The following DDX51 variants were observed in gnomAD, a reference collection of about 807,000 sequenced individuals.
DDX51 encodes DEAD-box helicase 51, also known as ATP-dependent RNA helicase DDX51.
Under a neutral mutation model 74.6 loss-of-function variants are expected in DDX51, and 67 were observed. That is an observed-to-expected ratio of 0.90 (90% CI 0.74 to 1.10). The LOEUF (loss-of-function observed/expected upper bound fraction) is 1.10, where lower values mean the gene tolerates loss of function less well. Among genes scored for constraint, DDX51 ranks in the 50% least tolerant of loss-of-function variants. The probability of loss-of-function intolerance (pLI) is 0.00; values close to 1 mark genes in which losing one functional copy is unlikely to be tolerated. For synonymous variants in DDX51, 545 were observed against 402.9 expected, an observed-to-expected ratio of 1.35 and a Z score of -4.22; for missense variants, 1,056 against 905.2, an observed-to-expected ratio of 1.17 and a Z score of -2.14.
At chr12:132,141,474 C>G (rs1897459828) in intron 7 of DDX51, 24 bp downstream of exon 7, 2 of 1,582,482 alleles carry the variant, frequency 1.3e-6, no homozygotes. Flanking sequence ...GCTCAAAGCC[C>G]AGGCCCCTGG....
rs1427078525 is a variant in DDX51 at position 132,137,087 on chromosome 12, C to T, written c.*2185G>A. On this transcript the variant is annotated 3_prime_UTR_variant, in exon 15 of 15. Transcript: ENST00000397333. ...TTGTATAGAGAGTTTCTGTCAGACT[C>T]AGTCTGTGCTGCTCTGTGACACTTT... 1 of 152,240 alleles carries T rather than the reference C, an allele frequency of 6.6e-6. No individual in the cohort carries two copies. The highest frequency in any genetic ancestry group is 1.5e-5 in the Non-Finnish European group (1 of 68,066). 9.4% of individuals were successfully genotyped at this position (152,240 alleles called of 1,614,324 possible).
At position 132,141,330 on chromosome 12, in the gene DDX51, CG is replaced by C; in HGVS notation, c.1194del (p.Ala399ArgfsTer15). On this transcript the variant is annotated frameshift_variant, in exon 8 of 15. Transcript: ENST00000397333. LOFTEE classifies it high-confidence loss of function. ...VVAAAFQSED[P>X]ADPCALLQRR... The stretch of plus-strand genomic sequence containing the variant: ...CGCTGGAGCAGGGCACAGGGGTCCG[CG>C]GGGTCCTCGCTCTGGAAGGCGGCCG... 6.3e-7 allele frequency: 1 copy of C among 1,598,736 alleles called. No homozygotes were observed. Among genetic ancestry groups the C allele is most frequent in the South Asian group, 1.1e-5 (1 of 91,006 alleles).
chr12:132,140,798 T>G (rs1173513464), intron 9 of DDX51, 33 bp downstream of exon 9: 2 of 1,613,076 alleles, frequency 1.2e-6, no homozygotes, highest in Admixed American at 1.7e-5. Context: ...AGGTTCCCAG[T>G]GCAACCCTCT....
At chr12:132,143,264 C>G (rs1473986829) in intron 2 of DDX51, 52 of 405,378 alleles carry the variant, frequency 1.3e-4, no homozygotes, top group Non-Finnish European at 1.7e-4. Flanking sequence ...CCTCCTCCAC[C>G]TGCCCTACCT....
In DDX51 at chr12:132,142,279, G is replaced by GCACCA; in HGVS notation, c.809_813dup (p.Gln272TrpfsTer28). ...AGAAAGGGGACCCTCACACAGACCT[G>GCACCA]CACCACAGGGATGACGAAGGCCAGT... On this transcript the variant is annotated frameshift_variant, in exon 4 of 15. Transcript: ENST00000397333. LOFTEE classifies it high-confidence loss of function. The GCACCA allele has an allele frequency of 6.2e-7, 1 of 1,613,066 alleles. No homozygotes were observed. Among genetic ancestry groups the GCACCA allele is most frequent in the Non-Finnish European group, 8.5e-7 (1 of 1,179,950 alleles).
At position 132,144,265 on chromosome 12, in the gene DDX51, C is replaced by G. The variant is rs1200720972; in HGVS notation, c.32G>C (p.Gly11Ala). 8.0e-7 allele frequency: 1 copy of G among 1,250,750 alleles called. No individual in the cohort carries two copies. The highest frequency in any genetic ancestry group is 1.6e-5 in the African/African-American group (1 of 64,160). 77.5% of individuals were successfully genotyped at this position (1,250,750 alleles called of 1,614,324 possible). A position where few individuals can be genotyped will look rare whatever the true frequency, so the allele number is the denominator to read the frequency against. Reference sequence around the variant, plus strand: ...CCCCGCCGCAGCTGCCGCATCGGGGCCCGGGTACCGCGCGACGTAGAACAG... The same window carrying G: ...CCCCGCCGCAGCTGCCGCATCGGGGGCCGGGTACCGCGCGACGTAGAACAG... MALFYVARYP[G>A]PDAAAAAGPE... Residue 11 changes from glycine to alanine, a missense_variant, in exon 1 of 15, where the codon GGC becomes GCC. Transcript: ENST00000397333.
rs1490164866 is a variant in DDX51 at position 132,137,239 on chromosome 12, A to G, written c.*2033T>C. 1.3e-5 allele frequency: 2 copies of G among 152,022 alleles called. No individual in the cohort carries two copies. Among genetic ancestry groups the G allele is most frequent in the East Asian group, 3.9e-4 (2 of 5,176 alleles). The allele number at this position is 152,022 out of a possible 1,614,324, so 9.4% of individuals were successfully genotyped here. On this transcript the variant is annotated 3_prime_UTR_variant, in exon 15 of 15. Transcript: ENST00000397333. ...TGTGCTTATTAGGGTCCACTGTTTT[A>G]CTGGGGCCCATTGTGGAAGTGTGAA...
intron 2 of DDX51, chr12:132,143,492 G>A (rs1420970336): frequency 8.6e-6 from 6 of 695,058 alleles, no homozygotes; most frequent in Non-Finnish European, 1.4e-5. Flanking sequence ...CGGGAGGACA[G>A]GGGCAAGCCT....
intron 2 of DDX51, 87 bp from the exon 3 acceptor site, chr12:132,142,965 GC>G: frequency 6.3e-7 from 1 of 1,575,542 alleles, no homozygotes; most frequent in South Asian, 1.1e-5. Flanking sequence ...GGGGAGGGAG[GC>G]TGGGGAAACC....
intron 3 of DDX51, 43 bp from the exon 4 acceptor site, chr12:132,142,465 G>A (rs1476813622): frequency 3.8e-6 from 6 of 1,590,140 alleles, no homozygotes; most frequent in Admixed American, 1.7e-5. Context: ...TTACGCCTAG[G>A]CCTAGGCCTG....
At chr12:132,142,027 T>C in intron 5 of DDX51, 71 bp from the exon 6 acceptor site, 3 of 1,608,060 alleles carry the variant, frequency 1.9e-6, no homozygotes, top group Non-Finnish European at 2.5e-6. Context: ...GGACCCCAGA[T>C]CTAATCTGGG....
Position 132,143,675 on chromosome 12 carries a change from T to G in DDX51, c.519+20A>C, listed in dbSNP as rs1417477419. ...GCCTACCCTCTCACGCCGACCACCC[T>G]CCCGCCCGCCGAGGCTCACCTTCGG... On this transcript the variant is annotated intron_variant, in intron 2 of 14. Transcript: ENST00000397333. The G allele has an allele frequency of 6.5e-7, 1 of 1,535,160 alleles. No homozygotes were observed.
chr12:132,140,678 GGACCAGGTGCAGGAC>G lies in DDX51; in HGVS notation c.1483_1497del (p.Val495_Val499del). On this transcript the variant is annotated inframe_deletion, in exon 10 of 15. Transcript: ENST00000397333. ...AGAACCCTCGAGAAGCCCATCTCCAGGACCAGGTGCAGGACGACCAGCGGCTTAGAGCTGAGGCTG... is the reference window on the plus strand; with the variant it reads ...AGAACCCTCGAGAAGCCCATCTCCAGGACCAGCGGCTTAGAGCTGAGGCTG... 1 of 1,613,112 alleles carries G rather than the reference GGACCAGGTGCAGGAC, an allele frequency of 6.2e-7. No individual in the cohort carries two copies. The highest frequency in any genetic ancestry group is 1.3e-5 in the African/African-American group (1 of 75,064).
chr12:132,140,502 C>T lies in DDX51; in HGVS notation c.1594G>A (p.Val532Met), dbSNP rs370925243. 1.7e-5 allele frequency: 28 copies of T among 1,613,026 alleles called. No homozygotes were observed. The highest frequency in any genetic ancestry group is 2.2e-5 in the East Asian group (1 of 44,896). Residue 532 changes from valine to methionine, a missense_variant, in exon 11 of 15, where the codon GTG (valine) becomes ATG (methionine). Coordinates refer to ENST00000397333, the MANE Select transcript of DDX51 (RefSeq NM_175066.4). ...LLVQAFGGVD[V>M]AEFSSRYGPG... Reference sequence around the variant, plus strand: ...CCGTAGCGCGAGGAGAACTCAGCCACGTCCACACCCCCAAAAGCTTGCACC... The same window carrying T: ...CCGTAGCGCGAGGAGAACTCAGCCATGTCCACACCCCCAAAAGCTTGCACC...
At chr12:132,139,474 G>A (rs1713877306) in intron 14 of DDX51, 161 bp downstream of exon 14, 4 of 1,540,110 alleles carry the variant, frequency 2.6e-6, no homozygotes, top group Admixed American at 1.7e-5. Context: ...TGGTGCCCAG[G>A]GGCTCCCCGC....
intron 8 of DDX51, 99 bp downstream of exon 8, chr12:132,141,176 G>T (rs1178870306): frequency 6.6e-7 from 1 of 1,507,498 alleles, no homozygotes; most frequent in Non-Finnish European, 8.8e-7. Flanking sequence ...CTGTGCACCA[G>T]AGCTCAAGCC....
rs1266713778 is a variant in DDX51 at position 132,138,486 on chromosome 12, T to G, written c.*786A>C. On this transcript the variant is annotated 3_prime_UTR_variant, in exon 15 of 15. Transcript: ENST00000397333. ...CGCCACCACGCCCGGCTAGTTGTTT[T>G]TTTTTTTTTTTTGTATTTTTAGTAG... The G allele has an allele frequency of 6.7e-6, 1 of 149,538 alleles. No homozygotes were observed. Among genetic ancestry groups the G allele is most frequent in the African/African-American group, 2.5e-5 (1 of 40,688 alleles). 9.3% of individuals were successfully genotyped at this position (149,538 alleles called of 1,614,324 possible).
chr12:132,141,204 T>G, intron 8 of DDX51, 71 bp downstream of exon 8: 5 of 1,515,840 alleles, frequency 3.3e-6, no homozygotes, highest in Non-Finnish European at 4.4e-6. Context: ...TCTCTGGGCA[T>G]TAAGGAAGGA....
chr12:132,140,567 T>G (rs1428030949), intron 10 of DDX51, 28 bp from the exon 11 acceptor site: 16 of 1,612,774 alleles, frequency 9.9e-6, no homozygotes, highest in Non-Finnish European at 1.3e-5. Context: ...TGCGGCCAAG[T>G]GATGCTGGGA....
Sources: gnomAD v4.1 joint callset for allele counts on GRCh38, gnomAD v4.1.1 for gene constraint, MANE v1.5 for transcripts, NCBI Gene and HGNC (gene_info 2026-07-23, HGNC 2026-07-21) for gene names.